Variants in BRD1 observed in about 807,000 individuals in gnomAD.
BRD1 encodes the protein bromodomain containing 1, also known as bromodomain-containing protein 1.
A neutral mutation model predicts 107.7 loss-of-function variants in BRD1; 24 were observed. The observed-to-expected ratio is 0.22, with a 90% CI of 0.16 to 0.31. The LOEUF is 0.31. Ranked by LOEUF, BRD1 falls within the 10% of genes least tolerant of loss-of-function variation. The pLI is 1.00. For missense variants in BRD1, 1,279 were observed against 1,638.6 expected (o/e 0.78, Z 3.79); for synonymous variants, 744 against 686.1 (o/e 1.08, Z -1.32).
chr22:49,818,432 T>C (rs773907804), intron 2 of BRD1: 81 of 1,042,706 alleles, frequency 7.8e-5, no homozygotes, highest in Non-Finnish European at 8.8e-5. Context: ...CCTCATTTCA[T>C]GCAATAACCA....
intron 8 of BRD1, among the ~76,000 whole-genome samples, chr22:49,779,841 G>A (rs35889692): frequency 6.6e-6 from 1 of 152,166 alleles, no homozygotes; most frequent in South Asian, 2.1e-4. Context: ...ATCAGCAGTG[G>A]ACGGACGGAG....
At chr22:49,793,783 G>A (rs958916418) in intron 7 of BRD1, among the ~76,000 whole-genome samples, 7 of 152,196 alleles carry the variant, frequency 4.6e-5, no homozygotes, top group Non-Finnish European at 8.8e-5. Context: ...ATTTTATTCT[G>A]TGCCTTAAAT....
Position 49,823,993 on chromosome 22 carries a change from C to T in BRD1, c.325G>A (p.Gly109Ser), listed in dbSNP as rs1208536923. ...AGGGCACTGGCCGAGGCCGGCGTGC[C>T]GTGGGCGCTGGGGAGGGCCTCGTTT... ...KKNEALPSAH[G>S]TPASASALPE... Residue 109 changes from glycine to serine, a missense_variant, in exon 2 of 13, where the codon GGC (glycine) becomes AGC (serine). Transcript: ENST00000404760. 7 of 1,613,896 alleles carry T rather than the reference C, an allele frequency of 4.3e-6. No individual in the cohort carries two copies. Among genetic ancestry groups the T allele is most frequent in the African/African-American group, 2.7e-5 (2 of 74,940 alleles).
At chr22:49,808,983 A>C (rs1054635673) in intron 2 of BRD1, among the ~76,000 whole-genome samples, 1 of 151,728 alleles carries the variant, frequency 6.6e-6, no homozygotes, top group African/African-American at 2.4e-5. Flanking sequence ...GCCAGGCATG[A>C]TGGCACACGC....
chr22:49,824,599 C>T lies in BRD1; in HGVS notation c.-14-268G>A, dbSNP rs1394890010. On this transcript the variant is annotated intron_variant, in intron 1 of 12. Transcript: ENST00000404760. The surrounding 1 kb of genome is among the most constrained non-coding windows in gnomAD (Gnocchi z 5.9). ...TGCGTCCCTACCACCACACACCAGT[C>T]CCCTCTCAGACCACACCAACAGGCT... 1 of 1,285,732 alleles carries T rather than the reference C, an allele frequency of 7.8e-7. No homozygotes were observed. Among genetic ancestry groups the T allele is most frequent in the East Asian group, 3.7e-5 (1 of 27,048 alleles). The allele number at this position is 1,285,732 out of a possible 1,614,324, so 79.6% of individuals were successfully genotyped here. A position where few individuals can be genotyped will look rare whatever the true frequency, so the allele number is the denominator to read the frequency against.
At chr22:49,801,588 C>A (rs1417996381) in intron 3 of BRD1, among the ~76,000 whole-genome samples, 1 of 152,264 alleles carries the variant, frequency 6.6e-6, no homozygotes, top group Non-Finnish European at 1.5e-5. Context: ...TCCACGCCGA[C>A]TGCTCTGCTG....
rs988877761 is a variant in BRD1, at chr22:49,826,279, A to G, written c.-15+1218T>C. On this transcript the variant is annotated intron_variant, in intron 1 of 12. Coordinates refer to ENST00000404760, the MANE Select transcript of BRD1 (RefSeq NM_001304808.3). Reference sequence around the variant, plus strand: ...AGCTCTTCATCGCAACACTTTCTACAAGGGGAGAACTGAACCGAAGGCTTC... The same window carrying G: ...AGCTCTTCATCGCAACACTTTCTACGAGGGGAGAACTGAACCGAAGGCTTC... 5.1e-6 allele frequency: 5 copies of G among 984,796 alleles called. No individual in the cohort carries two copies. The African/African-American group carries it at 8.7e-5, about 17-fold the overall frequency. The allele number at this position is 984,796 out of a possible 1,614,324, so 61.0% of individuals were successfully genotyped here.
intron 2 of BRD1, among the ~76,000 whole-genome samples, chr22:49,804,723 T>C (rs762137013): frequency 2.0e-5 from 3 of 152,076 alleles, no homozygotes; most frequent in African/African-American, 4.8e-5. Context: ...TGGAGGTACA[T>C]GCGTGTAGTC....
In BRD1 at chr22:49,777,880, C is replaced by T. The variant is rs73892868; in HGVS notation, c.2858-67G>A. ...GGCACACTGAAGCATGACTCAACGA[C>T]GTTACACTTGGAACACATCTTACAA... On this transcript the variant is annotated intron_variant, in intron 8 of 12. Transcript: ENST00000404760. The T allele has an allele frequency of 2.6e-3, 3,977 of 1,516,558 alleles. 51 individuals are homozygous for T. The East Asian group carries it at 0.032, about 12-fold the overall frequency. 93.9% of individuals were successfully genotyped at this position (1,516,558 alleles called of 1,614,324 possible). A position where few individuals can be genotyped will look rare whatever the true frequency, so the allele number is the denominator to read the frequency against.
intron 6 of BRD1, among the ~76,000 whole-genome samples, chr22:49,795,299 C>A (rs552054518): frequency 2.0e-5 from 3 of 152,332 alleles, no homozygotes; most frequent in East Asian, 3.9e-4. Context: ...AGGCTCCAGG[C>A]AATGGGAGGT....
intron 2 of BRD1, among the ~76,000 whole-genome samples, chr22:49,819,198 T>G (rs931993843): frequency 6.6e-6 from 1 of 151,998 alleles, no homozygotes; most frequent in Non-Finnish European, 1.5e-5. Context: ...AGGTGGAGGC[T>G]GCAGTGAGCC....
intron 6 of BRD1, among the ~76,000 whole-genome samples, chr22:49,795,313 G>A (rs766766352): frequency 1.1e-4 from 17 of 152,292 alleles, no homozygotes; most frequent in Non-Finnish European, 2.2e-4. Context: ...GGGAGGTGTC[G>A]GCCGTGCTGA....
Position 49,787,633 on chromosome 22 carries a change from C to G in BRD1, c.2614G>C (p.Glu872Gln). ...VPAAAASAVA[E>Q]PASDVNRRTS... Reference sequence around the variant, plus strand: ...CGTCTGTTTACATCGCTTGCTGGCTCCGCCACCGCGGAGGCCGCCGCCGCC... The same window carrying G: ...CGTCTGTTTACATCGCTTGCTGGCTGCGCCACCGCGGAGGCCGCCGCCGCC... The change falls in exon 8 of 13, where the codon GAG becomes CAG. Residue 872 changes from glutamate (E) to glutamine (Q), a missense_variant. By Grantham distance (29) the Glu-to-Gln change is conservative. Transcript: ENST00000404760. 1 of 1,550,900 alleles carries G rather than the reference C, an allele frequency of 6.4e-7. No individual in the cohort carries two copies. Among genetic ancestry groups the G allele is most frequent in the Non-Finnish European group, 8.7e-7 (1 of 1,147,086 alleles).
chr22:49,815,813 C>T (rs2059939664), intron 2 of BRD1, among the ~76,000 whole-genome samples: 1 of 152,260 alleles, frequency 6.6e-6, no homozygotes, highest in African/African-American at 2.4e-5. Context: ...CTCCCAGGCA[C>T]TGGCTGGACC....
intron 3 of BRD1, among the ~76,000 whole-genome samples, chr22:49,799,918 G>T (rs1015555551): frequency 2.0e-5 from 3 of 152,208 alleles, no homozygotes; most frequent in African/African-American, 4.8e-5. Context: ...CAGTGCCGGG[G>T]CACCCTGACC....
Position 49,797,886 on chromosome 22 carries a change from T to C in BRD1, c.2017A>G (p.Ile673Val), listed in dbSNP as rs2059565177. Residue 673 changes from isoleucine to valine, a missense_variant, in exon 6 of 13, where the codon ATC (isoleucine) becomes GTC (valine). This residue lies in a region of BRD1 where 406 missense variants were observed against 519.4 expected (regional missense o/e 0.78). Transcript: ENST00000404760. ...ATCCCCGAGGCCTCTTCCAAGCCGATGCTGTCCACCTCGCGCCGGGCCTGC... is the reference window on the plus strand; with the variant it reads ...ATCCCCGAGGCCTCTTCCAAGCCGACGCTGTCCACCTCGCGCCGGGCCTGC... ...LRQARREVDS[I>V]GLEEASGMHL... 1 of 1,613,866 alleles carries C rather than the reference T, an allele frequency of 6.2e-7. No individual in the cohort carries two copies. Among genetic ancestry groups the C allele is most frequent in the African/African-American group, 1.3e-5 (1 of 74,948 alleles).
At chr22:49,820,145 A>T (rs559459609) in intron 2 of BRD1, among the ~76,000 whole-genome samples, 1 of 147,964 alleles carries the variant, frequency 6.8e-6, no homozygotes, top group Non-Finnish European at 1.5e-5. Context: ...AAAGGGGGGA[A>T]AAAAAAGAAC....
intron 2 of BRD1, among the ~76,000 whole-genome samples, chr22:49,809,697 T>C (rs1321856581): frequency 6.6e-6 from 1 of 152,024 alleles, no homozygotes; most frequent in Non-Finnish European, 1.5e-5. Context: ...AGAAACACCA[T>C]GACTGGAGTG....
intron 9 of BRD1, among the ~76,000 whole-genome samples, chr22:49,777,420 G>A (rs1014813730): frequency 1.3e-5 from 2 of 152,274 alleles, no homozygotes; most frequent in Non-Finnish European, 2.9e-5. Flanking sequence ...AAGATCAAGT[G>A]TAAAACTTCA....
Sources: allele counts gnomAD v4.1 joint callset (sites outside exome capture counted in the v4.1 genomes callset), GRCh38; gene constraint gnomAD v4.1.1; regional missense constraint gnomAD v4.1.1; non-coding constraint Gnocchi (gnomAD v3.1); transcripts MANE v1.5; gene names NCBI Gene and HGNC (gene_info 2026-07-23, HGNC 2026-07-21).